Variants in PLAC1 observed in about 807,000 individuals in gnomAD.
PLAC1 encodes placenta-specific protein 1.
For missense variants in PLAC1, 136 were observed against 163.2 expected (o/e 0.83, Z 0.91); for synonymous variants, 68 against 62.1 (o/e 1.09, Z -0.44).
chrX:134,762,205 C>A (rs1021043380), intron 1 of PLAC1, among the ~76,000 whole-genome samples: 116 of 108,183 alleles, frequency 1.1e-3, no homozygotes, highest in African/African-American at 3.8e-3. Flanking sequence ...CACCCCCCCC[C>A]CAATGACCAC....
In PLAC1 at chrX:134,673,517, AT is replaced by A. The variant is rs1280792700; in HGVS notation, n.174+59917del. On this transcript the variant is annotated intron_variant and non_coding_transcript_variant, in intron 2 of 2. Transcript: ENST00000466797. ...ATGTGAAAGTCTCATCATAGTCTCA[AT>A]TTTTTTTTTTTTAATAAATGGAGAG... Among the ~76,000 whole-genome samples the A allele has an allele frequency of 2.6e-3, 274 of 104,435 alleles. 1 individual carries two copies. Among genetic ancestry groups the A allele is most frequent in the African/African-American group, 6.1e-3 (177 of 28,860 alleles). 90.7% of individuals were successfully genotyped at this position (104,435 alleles called of 115,157 possible). A position where few individuals can be genotyped will look rare whatever the true frequency, so the allele number is the denominator to read the frequency against.
intron 2 of PLAC1, chrX:134,601,034 T>G (rs2078086115): frequency 1.0e-5 from 1 of 96,670 alleles, no homozygotes. Context: ...ATATTTCTAT[T>G]ATTTCTTTCT....
At chrX:134,587,318 C>T (rs1285690001) in intron 2 of PLAC1, among the ~76,000 whole-genome samples, 1 of 110,007 alleles carries the variant, frequency 9.1e-6, no homozygotes, top group Admixed American at 9.8e-5. Context: ...TTTGTGAAGC[C>T]GAGGAAGAAA....
intron 1 of PLAC1, among the ~76,000 whole-genome samples, chrX:134,734,987 G>A (rs2078699320): frequency 9.0e-6 from 1 of 111,621 alleles, no homozygotes; most frequent in Admixed American, 9.5e-5. Context: ...ACAGGAAATG[G>A]GACTACAAAG....
chrX:134,704,901 G>T (rs180804916), intron 2 of PLAC1, among the ~76,000 whole-genome samples: 24 of 100,388 alleles, frequency 2.4e-4, no homozygotes, highest in African/African-American at 7.3e-4. Context: ...GCTGAGGCAG[G>T]AGAATTGCTT....
chrX:134,611,528 C>CATATGT (rs2078152934), intron 1 of PLAC1, among the ~76,000 whole-genome samples: 1 of 105,125 alleles, frequency 9.5e-6, no homozygotes, highest in Non-Finnish European at 1.9e-5. Context: ...CATACATATA[C>CATATGT]ATATGTATAT....
chrX:134,734,269 T>C (rs1301658526), intron 1 of PLAC1, among the ~76,000 whole-genome samples: 1 of 113,085 alleles, frequency 8.8e-6, no homozygotes, highest in Non-Finnish European at 1.9e-5. Context: ...ACTTAGCCTG[T>C]TGTCCTCAGT....
At chrX:134,633,493 T>TTTTTG (rs751346401) in intron 1 of PLAC1, among the ~76,000 whole-genome samples, 1 of 111,955 alleles carries the variant, frequency 8.9e-6, no homozygotes, top group Admixed American at 9.5e-5. Context: ...GCTTTATTAT[T>TTTTTG]TTTTGTTTTG....
chrX:134,720,112 C>CA (rs200253629), intron 2 of PLAC1, among the ~76,000 whole-genome samples: 1 of 110,261 alleles, frequency 9.1e-6, no homozygotes, highest in East Asian at 2.8e-4. Context: ...AAAGAATCCA[C>CA]AAAAAACTAT....
At chrX:134,690,605 T>C (rs2078532735) in intron 2 of PLAC1, among the ~76,000 whole-genome samples, 1 of 110,285 alleles carries the variant, frequency 9.1e-6, no homozygotes, top group South Asian at 3.9e-4. Flanking sequence ...GGTCTACACC[T>C]TTTTTATATT....
At chrX:134,665,380 C>A (rs1348666934) in intron 2 of PLAC1, among the ~76,000 whole-genome samples, 1 of 111,637 alleles carries the variant, frequency 9.0e-6, no homozygotes, top group Non-Finnish European at 1.9e-5. Context: ...GAGATTTACC[C>A]ATTTTATTGC....
chrX:134,714,799 T>A (rs2078638535), intron 2 of PLAC1, among the ~76,000 whole-genome samples: 1 of 112,343 alleles, frequency 8.9e-6, no homozygotes, highest in South Asian at 3.7e-4. Context: ...AAAGTTCATC[T>A]GTATTGTAGT....
chrX:134,673,489 G>C (rs1436989319), intron 2 of PLAC1, among the ~76,000 whole-genome samples: 2 of 110,769 alleles, frequency 1.8e-5, no homozygotes, highest in African/African-American at 6.6e-5. Flanking sequence ...TAGAAACTCT[G>C]TCATGTGAAA....
At chrX:134,763,758 T>G in intron 1 of PLAC1, among the ~76,000 whole-genome samples, 2 of 104,276 alleles carry the variant, frequency 1.9e-5, no homozygotes, top group South Asian at 8.9e-4. Context: ...GAGGCGGAGG[T>G]TGCATTGAGC....
chrX:134,755,856 C>CTTTTTTTT (rs776901556), intron 1 of PLAC1, among the ~76,000 whole-genome samples: 38 of 45,520 alleles, frequency 8.3e-4, no homozygotes, highest in African/African-American at 1.8e-3. Flanking sequence ...CCTTTTCTTT[C>CTTTTTTTT]TTTTTTTTTT....
intron 1 of PLAC1, among the ~76,000 whole-genome samples, chrX:134,629,900 C>G (rs1012883079): frequency 9.0e-6 from 1 of 111,086 alleles, no homozygotes; most frequent in Non-Finnish European, 1.9e-5. Context: ...AAAATTCTCA[C>G]CTTTGATGTC....
At chrX:134,664,874 T>C (rs1208213311) in intron 2 of PLAC1, among the ~76,000 whole-genome samples, 1 of 111,841 alleles carries the variant, frequency 8.9e-6, no homozygotes, top group Non-Finnish European at 1.9e-5. Flanking sequence ...CTGGGTATCT[T>C]TGGGAGATGG....
intron 2 of PLAC1, among the ~76,000 whole-genome samples, chrX:134,710,008 G>C (rs1466699149): frequency 1.8e-5 from 2 of 111,315 alleles, no homozygotes; most frequent in Non-Finnish European, 3.8e-5. Flanking sequence ...ACATTATAAT[G>C]TCTATAAGAA....
intron 2 of PLAC1, among the ~76,000 whole-genome samples, chrX:134,697,172 C>T (rs2147825132): frequency 9.0e-6 from 1 of 111,541 alleles, no homozygotes; most frequent in Admixed American, 9.4e-5. Context: ...CAAGAGACAA[C>T]ATATCTCCCT....
Sources: gnomAD v4.1 joint callset for allele counts (sites outside exome capture counted in the v4.1 genomes callset) on GRCh38, gnomAD v4.1.1 for gene constraint, MANE v1.5 for transcripts, NCBI Gene and HGNC (gene_info 2026-07-23, HGNC 2026-07-21) for gene names.